The following PTPRD variants were observed in gnomAD, a reference collection of about 807,000 sequenced individuals.
PTPRD encodes receptor-type tyrosine-protein phosphatase delta.
A neutral mutation model predicts 214.5 loss-of-function variants in PTPRD; 34 were observed. That is an observed-to-expected ratio of 0.16 (90% CI 0.12 to 0.21). PTPRD has a LOEUF of 0.21. Ranked by LOEUF, PTPRD falls within the 10% of genes least tolerant of loss-of-function variation. PTPRD has a pLI of 1.00. For synonymous variants in PTPRD, 1,128 were observed against 845.7 expected (o/e 1.33, Z -5.79); for missense variants, 2,545 against 2,398.7 (o/e 1.06, Z -1.27).
At position 10,213,404 on chromosome 9, in the gene PTPRD, A is replaced by G. The variant is rs139869149; in HGVS notation, c.-545+127559T>C. 1.1e-4 allele frequency among the ~76,000 whole-genome samples: 17 copies of G among 152,226 alleles called. No homozygotes were observed. The East Asian group carries it at 2.3e-3, about 21-fold the overall frequency. ...ATGTGTCCTTTCCAGACCAAGGCTT[A>G]TAAGAAGCATCTCTGCCTCCTTCAT... On this transcript the variant is annotated intron_variant, in intron 3 of 45. Coordinates refer to ENST00000381196, the MANE Select transcript of PTPRD (RefSeq NM_002839.4).
chr9:10,433,807 A>G (rs1461751906), intron 2 of PTPRD, among the ~76,000 whole-genome samples: 1 of 151,884 alleles, frequency 6.6e-6, no homozygotes, highest in Non-Finnish European at 1.5e-5. Context: ...ATATATAAAA[A>G]CCTTTGAAGA....
chr9:8,603,090 T>C (rs961672742), intron 14 of PTPRD, among the ~76,000 whole-genome samples: 7 of 152,178 alleles, frequency 4.6e-5, no homozygotes, highest in African/African-American at 1.7e-4. Context: ...AGTATTCTAT[T>C]ACCTGCAAGA....
intron 11 of PTPRD, among the ~76,000 whole-genome samples, chr9:8,883,400 G>A (rs2098462392): frequency 6.6e-6 from 1 of 152,186 alleles, no homozygotes; most frequent in Admixed American, 6.5e-5. Flanking sequence ...ACTTAAGCCA[G>A]CAGCTGTTCT....
intron 11 of PTPRD, among the ~76,000 whole-genome samples, chr9:8,811,841 T>C (rs932633433): frequency 6.6e-6 from 1 of 152,220 alleles, no homozygotes; most frequent in Non-Finnish European, 1.5e-5. Context: ...CTATGCACAC[T>C]CTTCTTGATA....
chr9:8,929,925 ATATG>A (rs1267687095), intron 11 of PTPRD, among the ~76,000 whole-genome samples: 1 of 144,818 alleles, frequency 6.9e-6, no homozygotes, highest in Non-Finnish European at 1.5e-5. Flanking sequence ...GTGTATATAT[ATATG>A]TGTATATATA....
intron 11 of PTPRD, among the ~76,000 whole-genome samples, chr9:8,799,767 C>T (rs2096533865): frequency 1.3e-5 from 2 of 152,056 alleles, no homozygotes. Flanking sequence ...ATCTGTCACT[C>T]TTATTTACTC....
At chr9:9,588,902 T>C (rs1440436707) in intron 7 of PTPRD, among the ~76,000 whole-genome samples, 1 of 151,964 alleles carries the variant, frequency 6.6e-6, no homozygotes, top group African/African-American at 2.4e-5. Context: ...TCTTTGTATC[T>C]CCATTTGGAG....
At chr9:8,829,600 C>T (rs540961687) in intron 11 of PTPRD, among the ~76,000 whole-genome samples, 1 of 152,224 alleles carries the variant, frequency 6.6e-6, no homozygotes, top group East Asian at 1.9e-4. Flanking sequence ...CTGGACTTTT[C>T]CCCCTGACTT....
At chr9:9,166,951 G>T (rs1446101591) in intron 10 of PTPRD, among the ~76,000 whole-genome samples, 1 of 152,076 alleles carries the variant, frequency 6.6e-6, no homozygotes, top group African/African-American at 2.4e-5. Flanking sequence ...ACCTCACTTT[G>T]CAATATACGC....
At chr9:9,246,115 C>T (rs927684158) in intron 9 of PTPRD, among the ~76,000 whole-genome samples, 2 of 151,994 alleles carry the variant, frequency 1.3e-5, no homozygotes, top group Admixed American at 6.6e-5. Context: ...ATGGGGGTGA[C>T]TTTCAACATA....
intron 3 of PTPRD, among the ~76,000 whole-genome samples, chr9:10,222,042 T>G (rs1385211140): frequency 2.6e-5 from 4 of 152,028 alleles, no homozygotes; most frequent in Admixed American, 2.0e-4. Context: ...AGCTAAACTT[T>G]CAGGTTACAG....
intron 14 of PTPRD, among the ~76,000 whole-genome samples, chr9:8,560,298 C>G (rs1419968137): frequency 2.0e-5 from 3 of 151,992 alleles, no homozygotes; most frequent in African/African-American, 7.3e-5. Context: ...TAAGAGATAA[C>G]ATGATCTATC....
intron 5 of PTPRD, among the ~76,000 whole-genome samples, chr9:9,875,424 A>C (rs2066572439): frequency 6.6e-6 from 1 of 152,126 alleles, no homozygotes. Context: ...GATAATTTCA[A>C]GAACATTGAA....
intron 8 of PTPRD, among the ~76,000 whole-genome samples, chr9:9,397,940 C>G (rs1423116959): frequency 6.6e-6 from 1 of 151,938 alleles, no homozygotes; most frequent in Non-Finnish European, 1.5e-5. Context: ...AAGTGTTTAG[C>G]ATAGCATTCA....
In PTPRD at chr9:10,011,530, G is replaced by A. The variant is rs140535897; in HGVS notation, c.-472+22188C>T. On this transcript the variant is annotated intron_variant, in intron 4 of 45. Coordinates refer to ENST00000381196, the MANE Select transcript of PTPRD (RefSeq NM_002839.4). ...TCTACTTTATTTAACAAAAACCAAG[G>A]CACAATAATAAATAGACTAGCATCA... Among the ~76,000 whole-genome samples, 351 of 151,886 alleles carry A rather than the reference G, an allele frequency of 2.3e-3. 1 individual carries two copies. The highest frequency in any genetic ancestry group is 5.3e-3 in the Admixed American group (80 of 15,210).
intron 5 of PTPRD, among the ~76,000 whole-genome samples, chr9:9,807,907 T>G (rs1348710017): frequency 1.3e-5 from 2 of 152,180 alleles, no homozygotes; most frequent in African/African-American, 4.8e-5. Flanking sequence ...GAAATAACCC[T>G]AAGAGCAGTT....
intron 9 of PTPRD, among the ~76,000 whole-genome samples, chr9:9,188,806 A>C (rs2099933260): frequency 1.3e-5 from 1 of 74,520 alleles, no homozygotes; most frequent in Non-Finnish European, 2.6e-5. Flanking sequence ...GTGCAAAATA[A>C]ATTGTGTGTG....
At chr9:8,779,146 C>A (rs2095598593) in intron 11 of PTPRD, among the ~76,000 whole-genome samples, 2 of 152,078 alleles carry the variant, frequency 1.3e-5, no homozygotes, top group Admixed American at 1.3e-4. Context: ...AGACAGTATA[C>A]CCATAGCAGA....
rs536050605 is a variant in PTPRD at position 9,655,781 on chromosome 9, C to A, written c.-287+78752G>T. Among the ~76,000 whole-genome samples the A allele has an allele frequency of 4.0e-5, 6 of 151,648 alleles. No homozygotes were observed. The South Asian group carries it at 6.3e-4, about 16-fold the overall frequency. On this transcript the variant is annotated intron_variant, in intron 7 of 45. Transcript: ENST00000381196. ...TCACCTGAGGTCAGGAGTTTGAGAC[C>A]AACCTGGCCAGTATGGTGAAACCCC...
Sources: gnomAD v4.1 joint callset for allele counts (sites outside exome capture counted in the v4.1 genomes callset) on GRCh38, gnomAD v4.1.1 for gene constraint, MANE v1.5 for transcripts, NCBI Gene and HGNC (gene_info 2026-07-23, HGNC 2026-07-21) for gene names.